The following HECW1 variants were observed in gnomAD, a reference collection of about 807,000 sequenced individuals.
HECW1 encodes the protein HECT, C2 and WW domain containing E3 ubiquitin protein ligase 1.
A neutral mutation model predicts 182.3 loss-of-function variants in HECW1; 61 were observed. That is an observed-to-expected ratio of 0.33 (90% CI 0.27 to 0.41). The LOEUF is 0.41. Among genes scored for constraint, HECW1 ranks in the 10% least tolerant of loss-of-function variants. The pLI, the probability that HECW1 is intolerant of heterozygous loss-of-function variation, is 1.00. For missense variants in HECW1, 1,739 were observed against 2,108.9 expected, an observed-to-expected ratio of 0.82 and a Z score of 3.44; for synonymous variants, 859 against 832.6, an observed-to-expected ratio of 1.03 and a Z score of -0.55.
At chr7:43,186,652 G>C (rs1793432606) in intron 2 of HECW1, among the ~76,000 whole-genome samples, 1 of 142,034 alleles carries the variant, frequency 7.0e-6, no homozygotes, top group African/African-American at 2.7e-5. Flanking sequence ...CTGGGTGACA[G>C]AGCGAGACTC....
intron 26 of HECW1, among the ~76,000 whole-genome samples, chr7:43,544,634 T>A (rs35551485): frequency 0.14 from 20,747 of 152,210 alleles, 1,608 homozygotes; most frequent in East Asian, 0.28. Context: ...TAACACCTAA[T>A]TAAAATTACT....
intron 3 of HECW1, among the ~76,000 whole-genome samples, chr7:43,277,778 T>G (rs1803345701): frequency 6.6e-6 from 1 of 151,978 alleles, no homozygotes; most frequent in African/African-American, 2.4e-5. Flanking sequence ...AAAGTTGTTC[T>G]TGTTAGAACC....
intron 8 of HECW1, among the ~76,000 whole-genome samples, chr7:43,409,979 G>A (rs945083549): frequency 2.0e-5 from 3 of 152,160 alleles, no homozygotes; most frequent in Admixed American, 1.3e-4. Flanking sequence ...TCACAAACAA[G>A]ACATCCAGAG....
At chr7:43,264,154 T>G (rs1323324933) in intron 3 of HECW1, among the ~76,000 whole-genome samples, 2 of 152,226 alleles carry the variant, frequency 1.3e-5, no homozygotes, top group Non-Finnish European at 2.9e-5. Context: ...TATTATTAAC[T>G]ACAGTCACCA....
At chr7:43,458,348 T>G (rs772119010) in intron 13 of HECW1, among the ~76,000 whole-genome samples, 1 of 152,206 alleles carries the variant, frequency 6.6e-6, no homozygotes, top group African/African-American at 2.4e-5. Flanking sequence ...CACCTTGACC[T>G]ATGGCATAAA....
intron 2 of HECW1, among the ~76,000 whole-genome samples, chr7:43,151,638 C>T (rs1326868343): frequency 6.6e-6 from 1 of 151,836 alleles, no homozygotes; most frequent in African/African-American, 2.4e-5. Context: ...GCAACAAATA[C>T]CAAATAAACA....
Position 43,396,608 on chromosome 7 carries a change from C to T in HECW1, c.556-206C>T, listed in dbSNP as rs1418263009. The stretch of plus-strand genomic sequence containing the variant: ...TGATTTCCATTTTCCTGAAAAGTAC[C>T]CATCACCCCCACTAGCAGATCCTCT... On this transcript the variant is annotated intron_variant, in intron 6 of 29. Transcript: ENST00000395891. 8.5e-6 allele frequency: 4 copies of T among 471,656 alleles called. No individual in the cohort carries two copies. In the South Asian group the frequency reaches 9.0e-5, roughly 11 times the overall value. 29.2% of individuals were successfully genotyped at this position (471,656 alleles called of 1,614,324 possible).
Position 43,541,886 on chromosome 7 carries a change from A to C in HECW1, c.4136A>C (p.Asp1379Ala). 6.5e-7 allele frequency: 1 copy of C among 1,533,346 alleles called. No individual in the cohort carries two copies. Among genetic ancestry groups the C allele is most frequent in the Non-Finnish European group, 8.8e-7 (1 of 1,141,270 alleles). 95.0% of individuals were successfully genotyped at this position (1,533,346 alleles called of 1,614,324 possible). The change falls in exon 26 of 30, where the codon GAC becomes GCC. Residue 1379 changes from aspartate to alanine, a missense_variant. Asp to Ala is a moderately radical substitution (Grantham distance 126). Coordinates refer to ENST00000395891, the MANE Select transcript of HECW1 (RefSeq NM_015052.5). ...ALLRLPCDLSDLEYLDEEFHQ... is the reference protein window; with the variant it reads ...ALLRLPCDLSALEYLDEEFHQ... Reference sequence around the variant, plus strand: ...TCACCCAGGCCCTGTGATTTGAGTGACCTGGAATATTTGGATGAGGAATTC... The same window carrying C: ...TCACCCAGGCCCTGTGATTTGAGTGCCCTGGAATATTTGGATGAGGAATTC...
chr7:43,536,825 A>C (rs2152951171), intron 24 of HECW1, among the ~76,000 whole-genome samples: 1 of 152,070 alleles, frequency 6.6e-6, no homozygotes, highest in African/African-American at 2.4e-5. Flanking sequence ...GGCCCAGGCA[A>C]CTCCTCCGCG....
chr7:43,261,421 T>C (rs1801167187), intron 3 of HECW1, among the ~76,000 whole-genome samples: 1 of 152,168 alleles, frequency 6.6e-6, no homozygotes, highest in South Asian at 2.1e-4. Flanking sequence ...TTTGTTCTCT[T>C]CTATTTGCTC....
chr7:43,389,251 CCAGCGT>C (rs2074923069), intron 6 of HECW1, among the ~76,000 whole-genome samples: 1 of 152,224 alleles, frequency 6.6e-6, no homozygotes, highest in African/African-American at 2.4e-5. Context: ...CCCTCCACCG[CCAGCGT>C]CAGCGTCACC....
chr7:43,300,126 C>A (rs1806548636), intron 3 of HECW1, among the ~76,000 whole-genome samples: 1 of 152,216 alleles, frequency 6.6e-6, no homozygotes, highest in Non-Finnish European at 1.5e-5. Context: ...GGTTAATTCT[C>A]CTCCTTATCC....
At chr7:43,304,542 G>A (rs1016738045) in intron 3 of HECW1, among the ~76,000 whole-genome samples, 7 of 151,624 alleles carry the variant, frequency 4.6e-5, no homozygotes, top group African/African-American at 1.7e-4. Context: ...CCAGGCTGGA[G>A]TGCAGTGGCG....
intron 2 of HECW1, among the ~76,000 whole-genome samples, chr7:43,202,604 G>T (rs1270324215): frequency 6.6e-6 from 1 of 151,902 alleles, no homozygotes; most frequent in Non-Finnish European, 1.5e-5. Flanking sequence ...CTCCTGAGGA[G>T]CTGGGGTTAC....
At chr7:43,500,902 T>TCC in intron 20 of HECW1, 120 bp downstream of exon 20, 2 of 840,072 alleles carry the variant, frequency 2.4e-6, no homozygotes, top group Non-Finnish European at 4.1e-6. Flanking sequence ...AGGATTCTAG[T>TCC]AACTGCAACG....
At chr7:43,276,295 G>T (rs747779721) in intron 3 of HECW1, among the ~76,000 whole-genome samples, 65 of 152,146 alleles carry the variant, frequency 4.3e-4, no homozygotes, top group Non-Finnish European at 2.9e-4. Context: ...AGACTCATAA[G>T]CTCTTTGTGT....
At chr7:43,155,662 A>C (rs1352909126) in intron 2 of HECW1, among the ~76,000 whole-genome samples, 2 of 152,184 alleles carry the variant, frequency 1.3e-5, no homozygotes, top group African/African-American at 2.4e-5. Flanking sequence ...CTCTCTACTC[A>C]GTTTGTATTA....
rs1298371604 is a variant in HECW1 at position 43,467,952 on chromosome 7, C to T, written c.2914-968C>T. On this transcript the variant is annotated intron_variant, in intron 15 of 29. Transcript: ENST00000395891. The stretch of plus-strand genomic sequence containing the variant: ...CCCTGGGCTCAATTCCAAGCAGCTC[C>T]CCAGAGGTGTTGTGGGGACCACAGG... Among the ~76,000 whole-genome samples, 7 of 152,134 alleles carry T rather than the reference C, an allele frequency of 4.6e-5. No homozygotes were observed. The East Asian group carries it at 1.4e-3, about 30-fold the overall frequency.
intron 6 of HECW1, among the ~76,000 whole-genome samples, chr7:43,367,619 A>G (rs75229861): frequency 9.8e-5 from 15 of 152,314 alleles, no homozygotes; most frequent in Admixed American, 2.0e-4. Flanking sequence ...AATTACATAC[A>G]TGATTTATTT....
Sources: allele counts gnomAD v4.1 joint callset (sites outside exome capture counted in the v4.1 genomes callset), GRCh38; gene constraint gnomAD v4.1.1; transcripts MANE v1.5; gene names NCBI Gene and HGNC (gene_info 2026-07-23, HGNC 2026-07-21).